Variants in TLL1 observed in about 807,000 individuals in gnomAD.
The protein encoded by TLL1 is tolloid-like protein 1.
In TLL1, 49 loss-of-function variants were observed where a neutral mutation model predicts 128.2. That is an observed-to-expected ratio of 0.38 (90% CI 0.30 to 0.48). TLL1 has a LOEUF of 0.48. Ranked by LOEUF, TLL1 falls within the 20% of genes least tolerant of loss-of-function variation. The pLI, the probability that TLL1 is intolerant of heterozygous loss-of-function variation, is 0.96. For missense variants in TLL1, 1,123 were observed against 1,242.0 expected (o/e 0.90, Z 1.44); for synonymous variants, 454 against 418.8 (o/e 1.08, Z -1.03).
rs939750847 is a variant in TLL1 at position 165,997,536 on chromosome 4, T to A, written c.632+2358T>A. On this transcript the variant is annotated intron_variant, in intron 5 of 20. Coordinates refer to ENST00000061240, the MANE Select transcript of TLL1 (RefSeq NM_012464.5). Reference sequence around the variant, plus strand: ...GCAACTGGTAACTCTTGCGATTTTTTAAAATAAGAGCTAAAATAATCTTGC... The same window carrying A: ...GCAACTGGTAACTCTTGCGATTTTTAAAAATAAGAGCTAAAATAATCTTGC... 3.3e-5 allele frequency among the ~76,000 whole-genome samples: 5 copies of A among 152,160 alleles called. No homozygotes were observed. The East Asian group carries it at 9.7e-4, about 29-fold the overall frequency.
intron 1 of TLL1, chr4:165,875,131 T>A (rs923073362): frequency 3.3e-5 from 5 of 152,426 alleles, no homozygotes; most frequent in Non-Finnish European, 5.9e-5. Flanking sequence ...TTAGGTTCCA[T>A]CCCAAGAGGT....
chr4:166,033,806 G>T (rs758188185), intron 9 of TLL1, among the ~76,000 whole-genome samples: 1 of 152,100 alleles, frequency 6.6e-6, no homozygotes, highest in African/African-American at 2.4e-5. Context: ...CAGCGAAGAG[G>T]GTAGCTGTGT....
At chr4:166,052,920 T>C (rs1163916599) in intron 12 of TLL1, among the ~76,000 whole-genome samples, 1 of 136,992 alleles carries the variant, frequency 7.3e-6, no homozygotes, top group South Asian at 2.3e-4. Context: ...TAGAGAACCC[T>C]GATTTTGAAG....
intron 9 of TLL1, among the ~76,000 whole-genome samples, chr4:166,028,092 C>G (rs1269236130): frequency 6.6e-6 from 1 of 151,750 alleles, no homozygotes; most frequent in African/African-American, 2.4e-5. Flanking sequence ...TATTTGGTTT[C>G]ATTCTGCTGG....
At chr4:166,053,483 G>T (rs1028164795) in intron 12 of TLL1, among the ~76,000 whole-genome samples, 1 of 152,148 alleles carries the variant, frequency 6.6e-6, no homozygotes, top group Non-Finnish European at 1.5e-5. Context: ...CAAGCAGAGA[G>T]AGTGCCTAGT....
chr4:166,079,809 C>G (rs1741205192), intron 18 of TLL1, among the ~76,000 whole-genome samples: 1 of 152,032 alleles, frequency 6.6e-6, no homozygotes, highest in Non-Finnish European at 1.5e-5. Context: ...GCTGTTATTC[C>G]TCAACTCTTG....
intron 11 of TLL1, among the ~76,000 whole-genome samples, chr4:166,042,845 G>A (rs961817993): frequency 1.3e-5 from 2 of 152,104 alleles, no homozygotes; most frequent in Non-Finnish European, 2.9e-5. Context: ...CGGACGCTGC[G>A]CACATGACAC....
intron 1 of TLL1, among the ~76,000 whole-genome samples, chr4:165,976,685 C>A (rs1005008985): frequency 2.0e-5 from 3 of 152,110 alleles, no homozygotes; most frequent in Admixed American, 6.5e-5. Context: ...GATATTAAAG[C>A]TATACACCAA....
intron 18 of TLL1, among the ~76,000 whole-genome samples, chr4:166,086,515 A>T (rs972771456): frequency 6.6e-6 from 1 of 152,068 alleles, no homozygotes; most frequent in Non-Finnish European, 1.5e-5. Context: ...TGTCATCTTG[A>T]TGTGGAGGGC....
intron 9 of TLL1, among the ~76,000 whole-genome samples, chr4:166,033,388 A>G (rs531901091): frequency 1.9e-4 from 29 of 152,306 alleles, no homozygotes; most frequent in African/African-American, 6.7e-4. Flanking sequence ...TGTAATTTAA[A>G]TTATGTACAT....
intron 1 of TLL1, among the ~76,000 whole-genome samples, chr4:165,909,434 A>C (rs899842930): frequency 2.0e-5 from 3 of 152,164 alleles, no homozygotes; most frequent in African/African-American, 4.8e-5. Flanking sequence ...TGATGTTTGT[A>C]GTGGTAAGAT....
intron 10 of TLL1, among the ~76,000 whole-genome samples, chr4:166,041,188 T>C (rs1167425816): frequency 1.3e-5 from 2 of 152,170 alleles, no homozygotes; most frequent in African/African-American, 4.8e-5. Flanking sequence ...ATGGAATGTG[T>C]GCAGTGATAA....
intron 1 of TLL1, among the ~76,000 whole-genome samples, chr4:165,921,612 T>A (rs1390858367): frequency 6.6e-6 from 1 of 152,186 alleles, no homozygotes; most frequent in Non-Finnish European, 1.5e-5. Flanking sequence ...TCTGGCAGAT[T>A]TTGTATAAGG....
chr4:166,087,732 C>A (rs1741588714), intron 18 of TLL1, among the ~76,000 whole-genome samples: 1 of 152,188 alleles, frequency 6.6e-6, no homozygotes, highest in Non-Finnish European at 1.5e-5. Context: ...AGAACCTCTA[C>A]AGATGTTCAT....
intron 1 of TLL1, among the ~76,000 whole-genome samples, chr4:165,984,632 T>C (rs1225974906): frequency 6.6e-6 from 1 of 151,928 alleles, no homozygotes; most frequent in Non-Finnish European, 1.5e-5. Context: ...AAAAGTGTAA[T>C]GAACAAATGC....
At chr4:165,883,454 T>G (rs1731045601) in intron 1 of TLL1, among the ~76,000 whole-genome samples, 1 of 152,206 alleles carries the variant, frequency 6.6e-6, no homozygotes, top group African/African-American at 2.4e-5. Context: ...ACCCCCCACA[T>G]AATAACCATG....
At chr4:166,064,431 T>C (rs911396960) in intron 15 of TLL1, among the ~76,000 whole-genome samples, 3 of 152,130 alleles carry the variant, frequency 2.0e-5, no homozygotes, top group African/African-American at 7.2e-5. Flanking sequence ...TGAGGTATTG[T>C]GTTCTGAAAG....
At chr4:166,061,739 A>G (rs150367017) in intron 15 of TLL1, among the ~76,000 whole-genome samples, 4,375 of 152,084 alleles carry the variant, frequency 0.029, 207 homozygotes, top group African/African-American at 0.099. Context: ...CCATTTGTCA[A>G]TTTTGGCTTT....
chr4:166,095,135 T>G (rs545632163), intron 19 of TLL1, among the ~76,000 whole-genome samples: 1 of 152,110 alleles, frequency 6.6e-6, no homozygotes, highest in Admixed American at 6.6e-5. Flanking sequence ...TTTGCTTAGG[T>G]AAATTTATAT....
Sources: allele counts gnomAD v4.1 joint callset (sites outside exome capture counted in the v4.1 genomes callset), GRCh38; gene constraint gnomAD v4.1.1; transcripts MANE v1.5; gene names NCBI Gene and HGNC (gene_info 2026-07-23, HGNC 2026-07-21).